Variants in EEIG2 observed in about 807,000 individuals in gnomAD.
EEIG2 encodes family with sequence similarity 102 member B.
the EEIG2 span, chr1:108,628,194 C>T: frequency 6.2e-7 from 1 of 1,614,110 alleles, no homozygotes; most frequent in Admixed American, 1.7e-5. Context: ...GCCTCTGTTC[C>T]AGACGAACTT....
At chr1:108,571,469 G>A in the EEIG2 span, among the ~76,000 whole-genome samples, 1 of 152,168 alleles carries the variant, frequency 6.6e-6, no homozygotes, top group South Asian at 2.1e-4. Context: ...AGTTGGGAGA[G>A]AGAGGAGCAA....
the EEIG2 span, among the ~76,000 whole-genome samples, chr1:108,603,758 A>C: frequency 6.6e-6 from 1 of 152,244 alleles, no homozygotes; most frequent in Admixed American, 6.5e-5. Flanking sequence ...ATTTCATCAG[A>C]GAACTAAAAT....
At chr1:108,607,626 C>A in the EEIG2 span, among the ~76,000 whole-genome samples, 1 of 152,096 alleles carries the variant, frequency 6.6e-6, no homozygotes, top group African/African-American at 2.4e-5. Context: ...GCATTCATGA[C>A]CATCCTGGAC....
the EEIG2 span, chr1:108,629,942 G>T: frequency 2.7e-6 from 1 of 368,094 alleles, no homozygotes; most frequent in Non-Finnish European, 5.0e-6. Context: ...CAATATAAAA[G>T]GACACTTAGA....
chr1:108,613,137 G>A, the EEIG2 span, among the ~76,000 whole-genome samples: 1 of 152,202 alleles, frequency 6.6e-6, no homozygotes, highest in Non-Finnish European at 1.5e-5. Flanking sequence ...ACAGCGAGTT[G>A]ATATGGGAAG....
the EEIG2 span, among the ~76,000 whole-genome samples, chr1:108,583,106 G>A: frequency 6.6e-6 from 1 of 152,028 alleles, no homozygotes; most frequent in African/African-American, 2.4e-5. Flanking sequence ...TCCATTTTGT[G>A]TTTTACACAG....
the EEIG2 span, chr1:108,600,815 G>A: frequency 1.7e-5 from 14 of 846,306 alleles, no homozygotes; most frequent in Admixed American, 2.9e-5. Flanking sequence ...CTTCATGCTC[G>A]CTGCAGTAAT....
chr1:108,599,802 G>T, the EEIG2 span, among the ~76,000 whole-genome samples: 4 of 152,166 alleles, frequency 2.6e-5, no homozygotes, highest in African/African-American at 9.7e-5. Flanking sequence ...GACCAGCCTG[G>T]ACAACATAGC....
the EEIG2 span, among the ~76,000 whole-genome samples, chr1:108,574,645 G>A: frequency 6.6e-6 from 1 of 152,202 alleles, no homozygotes; most frequent in East Asian, 1.9e-4. Context: ...CAGCTACTCG[G>A]AAGGCTGAGG....
chr1:108,592,240 T>C, the EEIG2 span, among the ~76,000 whole-genome samples: 11 of 152,308 alleles, frequency 7.2e-5, no homozygotes, highest in East Asian at 1.9e-3. Flanking sequence ...CAAGAATTGG[T>C]AGCTGGAACC....
the EEIG2 span, among the ~76,000 whole-genome samples, chr1:108,615,698 T>A: frequency 1.3e-5 from 2 of 151,318 alleles, no homozygotes; most frequent in African/African-American, 4.9e-5. Context: ...AGGAAGATCA[T>A]GAGCCCAGGA....
the EEIG2 span, among the ~76,000 whole-genome samples, chr1:108,613,579 C>T: frequency 2.0e-5 from 3 of 152,090 alleles, no homozygotes; most frequent in Non-Finnish European, 4.4e-5. Flanking sequence ...TTCATCCTTC[C>T]ACACCGTCTC....
chr1:108,609,100 G>A, the EEIG2 span, among the ~76,000 whole-genome samples: 9 of 152,140 alleles, frequency 5.9e-5, no homozygotes, highest in Non-Finnish European at 1.3e-4. Flanking sequence ...AAACATGCAG[G>A]CATAAGAGGC....
the EEIG2 span, among the ~76,000 whole-genome samples, chr1:108,613,670 G>A: frequency 2.8e-4 from 42 of 151,848 alleles, no homozygotes; most frequent in African/African-American, 9.7e-4. Context: ...CCCAATCTCT[G>A]CCATCTCCTG....
At chr1:108,566,413 GA>G in the EEIG2 span, among the ~76,000 whole-genome samples, 1 of 152,060 alleles carries the variant, frequency 6.6e-6, no homozygotes, top group Non-Finnish European at 1.5e-5. Context: ...GATTTTTTAA[GA>G]TTAGTAATCA....
At chr1:108,606,371 T>A in the EEIG2 span, 2 of 556,320 alleles carry the variant, frequency 3.6e-6, no homozygotes, top group Non-Finnish European at 6.0e-6. Flanking sequence ...TCTTTTTGTA[T>A]GCAACTTGGA....
chr1:108,628,913 G>T, the EEIG2 span: 4 of 926,658 alleles, frequency 4.3e-6, no homozygotes, highest in Non-Finnish European at 6.2e-6. Context: ...TTGCATATTT[G>T]TATAGTAAAT....
the EEIG2 span, among the ~76,000 whole-genome samples, chr1:108,593,221 G>A: frequency 2.6e-5 from 4 of 152,154 alleles, no homozygotes; most frequent in African/African-American, 4.8e-5. Flanking sequence ...AGGGCTACAT[G>A]TTTCTTAGAG....
At chr1:108,634,944 T>G in the EEIG2 span, among the ~76,000 whole-genome samples, 8 of 152,184 alleles carry the variant, frequency 5.3e-5, no homozygotes, top group African/African-American at 1.9e-4. Flanking sequence ...TGATAAACAT[T>G]TAATATTTCA....
Sources: allele counts gnomAD v4.1 joint callset (sites outside exome capture counted in the v4.1 genomes callset), GRCh38; gene constraint gnomAD v4.1.1; transcripts MANE v1.5; gene names NCBI Gene and HGNC (gene_info 2026-07-23, HGNC 2026-07-21).